The following PDE4D variants were observed in gnomAD, a reference collection of about 807,000 sequenced individuals.
PDE4D encodes the protein phosphodiesterase 4D.
PDE4D carries 24 observed loss-of-function variants against 87.4 expected under a neutral mutation model. The ratio of observed to expected loss-of-function variants is 0.27; its 90% CI spans 0.20 to 0.39. The LOEUF is 0.39. Among genes scored for constraint, PDE4D ranks in the 10% least tolerant of loss-of-function variants. The probability of loss-of-function intolerance (pLI) is 1.00; values close to 1 mark genes in which losing one functional copy is unlikely to be tolerated. For synonymous variants in PDE4D, 384 were observed against 383.2 expected, an observed-to-expected ratio of 1.00 and a Z score of -0.02; for missense variants, 714 against 1,041.0, an observed-to-expected ratio of 0.69 and a Z score of 4.32.
intron 1 of PDE4D, among the ~76,000 whole-genome samples, chr5:59,416,227 C>T (rs549695513): frequency 4.4e-4 from 67 of 152,248 alleles, no homozygotes; most frequent in Admixed American, 6.5e-4. Flanking sequence ...ACATCTGTTT[C>T]TGTCTTTCAA....
chr5:59,040,962 C>T (rs1759577262), intron 5 of PDE4D, among the ~76,000 whole-genome samples: 1 of 152,236 alleles, frequency 6.6e-6, no homozygotes, highest in Middle Eastern at 3.4e-3. Context: ...GTTACATGTG[C>T]CACGTGGCTT....
At chr5:59,608,764 C>G (rs1470191607) in intron 1 of PDE4D, among the ~76,000 whole-genome samples, 1 of 152,082 alleles carries the variant, frequency 6.6e-6, no homozygotes, top group African/African-American at 2.4e-5. Context: ...GTAGAGTCCC[C>G]CTCCCACTCT....
chr5:60,423,276 T>C (rs1054721785), intron 1 of PDE4D, among the ~76,000 whole-genome samples: 9 of 152,286 alleles, frequency 5.9e-5, no homozygotes, highest in Non-Finnish European at 1.3e-4. Flanking sequence ...TATTCTAAAA[T>C]TGACCACATA....
intron 1 of PDE4D, among the ~76,000 whole-genome samples, chr5:59,773,685 A>T (rs1177511150): frequency 6.6e-6 from 1 of 152,106 alleles, no homozygotes; most frequent in African/African-American, 2.4e-5. Context: ...ATATTCTAAA[A>T]TTATTTTATC....
chr5:59,283,878 A>G (rs1766338180), intron 1 of PDE4D, among the ~76,000 whole-genome samples: 1 of 152,138 alleles, frequency 6.6e-6, no homozygotes, highest in African/African-American at 2.4e-5. Flanking sequence ...TCACAGGGGG[A>G]TTCAAATCCC....
intron 1 of PDE4D, among the ~76,000 whole-genome samples, chr5:59,849,708 C>G (rs1399035636): frequency 6.6e-6 from 1 of 151,520 alleles, no homozygotes; most frequent in African/African-American, 2.4e-5. Context: ...GTTTTTGTCC[C>G]TTATTTATTT....
intron 1 of PDE4D, among the ~76,000 whole-genome samples, chr5:59,392,524 T>TATATATA (rs1562093627): frequency 1.3e-5 from 2 of 149,338 alleles, no homozygotes; most frequent in Non-Finnish European, 3.0e-5. Flanking sequence ...TATATATATA[T>TATATATA]TCCATTAATT....
At chr5:59,263,044 C>T (rs1263378220) in intron 1 of PDE4D, among the ~76,000 whole-genome samples, 2 of 151,800 alleles carry the variant, frequency 1.3e-5, no homozygotes, top group African/African-American at 4.8e-5. Flanking sequence ...AAAATCCTCC[C>T]GGATACTATA....
chr5:59,197,856 C>A (rs1183567029), intron 2 of PDE4D, among the ~76,000 whole-genome samples: 1 of 152,132 alleles, frequency 6.6e-6, no homozygotes, highest in Non-Finnish European at 1.5e-5. Context: ...AAATCTTGCA[C>A]CTGAACAACT....
intron 5 of PDE4D, among the ~76,000 whole-genome samples, chr5:59,082,603 T>C (rs1580705412): frequency 6.6e-6 from 1 of 152,054 alleles, no homozygotes; most frequent in African/African-American, 2.4e-5. Context: ...ATATCAAATA[T>C]GTATAAATAA....
chr5:59,863,711 G>A (rs1002532446), intron 1 of PDE4D, among the ~76,000 whole-genome samples: 1 of 152,106 alleles, frequency 6.6e-6, no homozygotes, highest in African/African-American at 2.4e-5. Context: ...GAGCTCTGAT[G>A]GAAATGATAG....
intron 1 of PDE4D, among the ~76,000 whole-genome samples, chr5:60,445,962 A>C (rs1201644939): frequency 2.6e-5 from 4 of 152,162 alleles, no homozygotes; most frequent in Non-Finnish European, 5.9e-5. Flanking sequence ...CTATATAAAA[A>C]TTGTCAGTAA....
intron 1 of PDE4D, among the ~76,000 whole-genome samples, chr5:59,230,712 G>C (rs26701): frequency 0.68 from 102,929 of 152,034 alleles, 35,521 homozygotes; most frequent in African/African-American, 0.74. Flanking sequence ...TTTGCACTCT[G>C]CATCAAACAG....
Position 58,969,086 on chromosome 5 carries a change from T to C in PDE4D, c.*5578A>G, listed in dbSNP as rs1346628655. The C allele has an allele frequency of 7.2e-5, 11 of 152,218 alleles. No homozygotes were observed. Among genetic ancestry groups the C allele is most frequent in the Non-Finnish European group, 1.5e-4 (10 of 68,040 alleles). The allele number at this position is 152,218 out of a possible 1,614,324, so 9.4% of individuals were successfully genotyped here. ...CTCTTTAATATCTCAAAATATCTTA[T>C]CAGATTGAATTATATCCAATATCAA... On this transcript the variant is annotated 3_prime_UTR_variant, in exon 15 of 15. Coordinates refer to ENST00000340635, the MANE Select transcript of PDE4D (RefSeq NM_001104631.2).
chr5:58,975,566 C>T lies in PDE4D; in HGVS notation c.2013+91G>A, dbSNP rs189080877. ...TCAAAAACAAAGTAATTTTAAAAAT[C>T]CAGTAAAATACTATCATATGTAATA... On this transcript the variant is annotated intron_variant, in intron 14 of 14. Transcript: ENST00000340635. This position sits in a 1 kb window ranked among gnomAD's most constrained non-coding sequence, Gnocchi z 4.2. The T allele has an allele frequency of 3.1e-5, 31 of 998,970 alleles. No homozygotes were observed. The East Asian group carries it at 8.7e-4, about 28-fold the overall frequency. The allele number at this position is 998,970 out of a possible 1,614,324, so 61.9% of individuals were successfully genotyped here.
intron 2 of PDE4D, among the ~76,000 whole-genome samples, chr5:60,169,916 T>G (rs563026884): frequency 1.3e-5 from 2 of 152,170 alleles, no homozygotes; most frequent in East Asian, 3.9e-4. Context: ...CTGCAAATTA[T>G]ATTTAGTTTG....
intron 5 of PDE4D, 75 bp from the exon 6 acceptor site, chr5:59,039,046 A>G: frequency 6.6e-7 from 1 of 1,524,588 alleles, no homozygotes; most frequent in Non-Finnish European, 8.8e-7. Flanking sequence ...AAAGGGGGCC[A>G]TCCTGCCATA....
At chr5:59,143,138 C>G (rs1271434827) in intron 5 of PDE4D, among the ~76,000 whole-genome samples, 1 of 149,332 alleles carries the variant, frequency 6.7e-6, no homozygotes, top group Non-Finnish European at 1.5e-5. Flanking sequence ...TACTTCCTGC[C>G]TCCATCCCTT....
At chr5:59,699,207 G>C (rs1431991159) in intron 1 of PDE4D, among the ~76,000 whole-genome samples, 1 of 152,056 alleles carries the variant, frequency 6.6e-6, no homozygotes, top group Non-Finnish European at 1.5e-5. Context: ...ACACACAGAA[G>C]CAGGTATGTT....
Sources: gnomAD v4.1 joint callset for allele counts (sites outside exome capture counted in the v4.1 genomes callset) on GRCh38, gnomAD v4.1.1 for gene constraint, Gnocchi (gnomAD v3.1) non-coding constraint, MANE v1.5 for transcripts, NCBI Gene and HGNC (gene_info 2026-07-23, HGNC 2026-07-21) for gene names.